Variants in ZNF627 observed in about 807,000 individuals in gnomAD.
ZNF627 encodes zinc finger protein 627.
Under a neutral mutation model 10.6 loss-of-function variants are expected in ZNF627, and 12 were observed. The ratio of observed to expected loss-of-function variants is 1.13; its 90% CI spans 0.73 to 1.84. ZNF627 has a LOEUF of 1.84. ZNF627 is among the 40% of genes most tolerant of loss of function. The pLI is 0.00. For missense variants in ZNF627, 504 were observed against 568.4 expected, an observed-to-expected ratio of 0.89 and a Z score of 1.15; for synonymous variants, 176 against 187.1, an observed-to-expected ratio of 0.94 and a Z score of 0.48.
chr19:11,613,254 C>G (rs956246465), intron 1 of ZNF627, among the ~76,000 whole-genome samples: 1 of 133,454 alleles, frequency 7.5e-6, no homozygotes, highest in Non-Finnish European at 1.6e-5. Context: ...AAGCCATCCT[C>G]TGGTCTTTGG....
At chr19:11,603,830 CGAA>C (rs1973629041) in intron 1 of ZNF627, among the ~76,000 whole-genome samples, 1 of 151,484 alleles carries the variant, frequency 6.6e-6, no homozygotes, top group South Asian at 2.1e-4. Context: ...TTTTAAGAGA[CGAA>C]GTCTTGCTCT....
chr19:11,615,488 C>T (rs1464764986), intron 3 of ZNF627, among the ~76,000 whole-genome samples: 1 of 148,256 alleles, frequency 6.7e-6, no homozygotes, highest in African/African-American at 2.5e-5. Flanking sequence ...CCTGTAATCC[C>T]AGCTACTCGG....
In ZNF627 at chr19:11,617,429, G is replaced by GT. The variant is rs1397670608; in HGVS notation, c.927dup (p.Lys310Ter). On this transcript the variant is annotated frameshift_variant, in exon 4 of 4. Transcript: ENST00000361113. LOFTEE classifies it low-confidence loss of function (END_TRUNC). ...CACACCGGAGAGAAACTTTTTGAAT[G>GT]TAAGGAATGCGGGAAGGCTTTGACT... is the stretch of plus-strand genomic sequence containing the variant. 1 of 1,614,008 alleles carries GT rather than the reference G, an allele frequency of 6.2e-7. No homozygotes were observed. The highest frequency in any genetic ancestry group is 8.5e-7 in the Non-Finnish European group (1 of 1,180,030).
rs1159905182 is a variant in ZNF627, at chr19:11,618,369, T to A, written c.*480T>A. 6.5e-6 allele frequency: 1 copy of A among 154,632 alleles called. No homozygotes were observed. The highest frequency in any genetic ancestry group is 1.4e-5 in the Non-Finnish European group (1 of 69,910). The allele number at this position is 154,632 out of a possible 1,614,324, so 9.6% of individuals were successfully genotyped here. ...CGGAGGTGATAGGCTTCCACACAGG[T>A]CTCCAGAAGCCCTGCATTGAATATC... On this transcript the variant is annotated 3_prime_UTR_variant, in exon 4 of 4. Transcript: ENST00000361113.
At chr19:11,606,907 G>C (rs1973685460) in intron 1 of ZNF627, among the ~76,000 whole-genome samples, 1 of 152,168 alleles carries the variant, frequency 6.6e-6, no homozygotes, top group South Asian at 2.1e-4. Context: ...TGGGCACAGG[G>C]AACCAAGTCC....
intron 3 of ZNF627, among the ~76,000 whole-genome samples, chr19:11,615,140 G>C (rs1973844600): frequency 6.6e-6 from 1 of 151,232 alleles, no homozygotes; most frequent in Admixed American, 6.6e-5. Context: ...TAGAGACGGG[G>C]TTTCACCATG....
Position 11,617,575 on chromosome 19 carries a change from A to G in ZNF627, c.1072A>G (p.Thr358Ala), listed in dbSNP as rs200549828. The G allele has an allele frequency of 6.2e-7, 1 of 1,613,772 alleles. No individual in the cohort carries two copies. The highest frequency in any genetic ancestry group is 1.3e-5 in the African/African-American group (1 of 74,890). ...SSFRIHERTH[T>A]GEKPYDCKQC... ...ATTTCGAATCCATGAAAGGACCCACACTGGAGAGAAACCCTATGATTGTAA... is the reference window on the plus strand; with the variant it reads ...ATTTCGAATCCATGAAAGGACCCACGCTGGAGAGAAACCCTATGATTGTAA... The change falls in exon 4 of 4, where the codon ACT (threonine) becomes GCT (alanine). Residue 358 changes from threonine (T) to alanine (A), a missense_variant. Thr to Ala is a moderately conservative substitution (Grantham distance 58, BLOSUM62 0). Transcript: ENST00000361113.
intron 1 of ZNF627, among the ~76,000 whole-genome samples, chr19:11,600,455 A>T (rs764040274): frequency 1.2e-4 from 18 of 151,222 alleles, no homozygotes; most frequent in Admixed American, 4.6e-4. Context: ...AAAAATTATT[A>T]TTTTTTTCTT....
chr19:11,602,762 A>T (rs937966778), intron 1 of ZNF627, among the ~76,000 whole-genome samples: 1 of 152,234 alleles, frequency 6.6e-6, no homozygotes, highest in East Asian at 1.9e-4. Context: ...CAGAAATGGT[A>T]TATGAAAAAA....
chr19:11,597,688 C>G, intron 1 of ZNF627, 58 bp downstream of exon 1: 2 of 1,327,732 alleles, frequency 1.5e-6, no homozygotes, highest in Non-Finnish European at 1.9e-6. Flanking sequence ...TGGAACCGGC[C>G]GGAACCGGCT....
At position 11,610,160 on chromosome 19, in the gene ZNF627, T is replaced by C. The variant is rs73922673; in HGVS notation, c.4-4367T>C. ...TCCGCCTCCCGGGTTCAAGCAATTCTTTTGAATTCAAGTCTTTTGAATTCT... is the reference window on the plus strand; with the variant it reads ...TCCGCCTCCCGGGTTCAAGCAATTCCTTTGAATTCAAGTCTTTTGAATTCT... On this transcript the variant is annotated intron_variant, in intron 1 of 3. Transcript: ENST00000361113. 5.0e-3 allele frequency among the ~76,000 whole-genome samples: 760 copies of C among 151,960 alleles called. 5 individuals carry two copies. The highest frequency in any genetic ancestry group is 0.016 in the African/African-American group (652 of 41,450).
At position 11,602,562 on chromosome 19, in the gene ZNF627, T is replaced by TTGC. The variant is rs777890102; in HGVS notation, c.3+4935_3+4937dup. ...TTCGCCATTTCTGATTTATATGCAG[T>TTGC]TGCTGAGAAGTATGGGTGATCCCTG... On this transcript the variant is annotated intron_variant, in intron 1 of 3. Transcript: ENST00000361113. 1.4e-3 allele frequency among the ~76,000 whole-genome samples: 217 copies of TTGC among 152,322 alleles called. 1 individual carries two copies. Among genetic ancestry groups the TTGC allele is most frequent in the Admixed American group, 2.6e-3 (40 of 15,288 alleles).
intron 1 of ZNF627, among the ~76,000 whole-genome samples, chr19:11,611,148 C>T (rs61070894): frequency 0.17 from 25,567 of 152,190 alleles, 2,353 homozygotes; most frequent in South Asian, 0.21. Flanking sequence ...CTACTGTGCC[C>T]GACCCCAAAT....
chr19:11,609,347 C>CA (rs1973725364), intron 1 of ZNF627, among the ~76,000 whole-genome samples: 2 of 151,714 alleles, frequency 1.3e-5, no homozygotes, highest in East Asian at 3.9e-4. Context: ...ATTTTATCTT[C>CA]AAGTTAGCTG....
chr19:11,600,935 CTTGCT>C (rs1973574090), intron 1 of ZNF627, among the ~76,000 whole-genome samples: 1 of 152,156 alleles, frequency 6.6e-6, no homozygotes, highest in Non-Finnish European at 1.5e-5. Context: ...AATTTCCTTC[CTTGCT>C]ATAAACAGTG....
intron 1 of ZNF627, among the ~76,000 whole-genome samples, chr19:11,600,527 G>C (rs1360555669): frequency 2.0e-5 from 3 of 151,922 alleles, no homozygotes; most frequent in Non-Finnish European, 4.4e-5. Flanking sequence ...GGTGGGGTGT[G>C]GTGATTTAAA....
intron 1 of ZNF627, among the ~76,000 whole-genome samples, chr19:11,600,870 A>G (rs984425327): frequency 1.3e-5 from 2 of 152,214 alleles, no homozygotes; most frequent in Admixed American, 1.3e-4. Context: ...TTATTGTCTG[A>G]AGAGGATGGA....
chr19:11,617,912 A>G lies in ZNF627; in HGVS notation c.*23A>G. 4 of 1,496,534 alleles carry G rather than the reference A, an allele frequency of 2.7e-6. No individual in the cohort carries two copies. Among genetic ancestry groups the G allele is most frequent in the Non-Finnish European group, 3.5e-6 (4 of 1,131,666 alleles). 92.7% of individuals were successfully genotyped at this position (1,496,534 alleles called of 1,614,324 possible). On this transcript the variant is annotated 3_prime_UTR_variant, in exon 4 of 4. Coordinates refer to ENST00000361113, the MANE Select transcript of ZNF627 (RefSeq NM_145295.4). ...TGAGCATGAAAGGAGTCACATAGAG[A>G]AACCCCATGAAAGTAAGAAATTTGG...
chr19:11,601,374 C>CT (rs1455010149), intron 1 of ZNF627, among the ~76,000 whole-genome samples: 3 of 152,040 alleles, frequency 2.0e-5, no homozygotes, highest in African/African-American at 7.2e-5. Flanking sequence ...GGGTCTCACT[C>CT]TGTCTCCTAG....
Sources: gnomAD v4.1 joint callset for allele counts (sites outside exome capture counted in the v4.1 genomes callset) on GRCh38, gnomAD v4.1.1 for gene constraint, MANE v1.5 for transcripts, NCBI Gene and HGNC (gene_info 2026-07-23, HGNC 2026-07-21) for gene names.